Variants in RBM19 observed in about 807,000 individuals in gnomAD.
RBM19 encodes probable RNA-binding protein 19.
Under a neutral mutation model 116.8 loss-of-function variants are expected in RBM19, and 94 were observed. That is an observed-to-expected ratio of 0.80 (90% CI 0.68 to 0.95). RBM19 has a LOEUF of 0.95. RBM19 is among the 40% of genes least tolerant of loss of function. The pLI is 0.00. For missense variants in RBM19, 1,161 were observed against 1,220.7 expected (o/e 0.95, Z 0.73); for synonymous variants, 475 against 494.1 (o/e 0.96, Z 0.51).
At chr12:113,940,215 C>T (rs1413989730) in intron 14 of RBM19, 55 bp from the exon 15 acceptor site, 2 of 1,546,388 alleles carry the variant, frequency 1.3e-6, no homozygotes, top group East Asian at 2.3e-5. Flanking sequence ...GGGTCCCCAG[C>T]TGACACCAGC....
chr12:113,945,806 G>A, intron 13 of RBM19, 22 bp downstream of exon 13: 1 of 1,517,924 alleles, frequency 6.6e-7, no homozygotes, highest in Non-Finnish European at 9.1e-7. Flanking sequence ...ATCCCAGAGA[G>A]GACTGGTCGG....
At chr12:113,845,276 G>A (rs985266881) in intron 22 of RBM19, among the ~76,000 whole-genome samples, 1 of 152,088 alleles carries the variant, frequency 6.6e-6, no homozygotes, top group East Asian at 1.9e-4. Flanking sequence ...TTCTGTCTCT[G>A]CTGCCAGTGC....
rs199626000 is a variant in RBM19 at position 113,917,380 on chromosome 12, G to A, written c.2441+1012C>T. ...ACCCATGCAAGGTCACAGAGCTCCTGAATTAGAAACTACAGGTGTGGGGCT... is the reference window on the plus strand; with the variant it reads ...ACCCATGCAAGGTCACAGAGCTCCTAAATTAGAAACTACAGGTGTGGGGCT... On this transcript the variant is annotated intron_variant, in intron 20 of 23. Transcript: ENST00000261741. Among the ~76,000 whole-genome samples, 19 of 152,300 alleles carry A rather than the reference G, an allele frequency of 1.2e-4. No individual in the cohort carries two copies. The East Asian group carries it at 3.7e-3, about 29-fold the overall frequency.
At chr12:113,820,958 C>G (rs35763329), downstream of RBM19, among the ~76,000 whole-genome samples, 15,645 of 152,288 alleles carry the variant, frequency 0.1, 1,003 homozygotes, top group South Asian at 0.24. Context: ...AAGGGTTGGA[C>G]AGCCCTGATT....
At chr12:113,868,887 G>A (rs2135760241) in intron 21 of RBM19, among the ~76,000 whole-genome samples, 1 of 152,312 alleles carries the variant, frequency 6.6e-6, no homozygotes, top group South Asian at 2.1e-4. Context: ...AAGAACCTAA[G>A]TGCGGAGCCA....
chr12:113,927,608 A>AC lies in RBM19; in HGVS notation c.2069-380_2069-379insG, dbSNP rs1555242324. Among the ~76,000 whole-genome samples, 338 of 119,580 alleles carry AC rather than the reference A, an allele frequency of 2.8e-3. 3 individuals are homozygous for AC. The highest frequency in any genetic ancestry group is 7.5e-3 in the African/African-American group (284 of 37,672). The allele number at this position is 119,580 out of a possible 152,430, so 78.4% of individuals were successfully genotyped here. A position where few individuals can be genotyped will look rare whatever the true frequency, so the allele number is the denominator to read the frequency against. On this transcript the variant is annotated intron_variant, in intron 16 of 23. Transcript: ENST00000261741. ...TCAAAAAACAAAAAAAAAAAAACAAAAAAAAAAAAACCAGCACTTAGTGAA... is the reference window on the plus strand; with the variant it reads ...TCAAAAAACAAAAAAAAAAAAACAAACAAAAAAAAAACCAGCACTTAGTGAA...
At chr12:113,823,577 TGAG>T (rs1874607591) in intron 23 of RBM19, among the ~76,000 whole-genome samples, 1 of 151,046 alleles carries the variant, frequency 6.6e-6, no homozygotes, top group African/African-American at 2.4e-5. Flanking sequence ...AAAGGGGAAA[TGAG>T]GAGGAGAGAG....
intron 21 of RBM19, among the ~76,000 whole-genome samples, chr12:113,901,122 T>C (rs1881658226): frequency 6.6e-6 from 1 of 152,236 alleles, no homozygotes; most frequent in South Asian, 2.1e-4. Flanking sequence ...TTCTACATTC[T>C]TTATAGTACA....
At chr12:113,824,658 T>C (rs1399435796) in intron 23 of RBM19, among the ~76,000 whole-genome samples, 1 of 151,966 alleles carries the variant, frequency 6.6e-6, no homozygotes, top group Non-Finnish European at 1.5e-5. Context: ...TACTGAGACC[T>C]CCCCAGGGCT....
At chr12:113,868,890 C>T (rs1225759945) in intron 21 of RBM19, among the ~76,000 whole-genome samples, 11 of 152,174 alleles carry the variant, frequency 7.2e-5, no homozygotes, top group African/African-American at 4.8e-5. Context: ...AACCTAAGTG[C>T]GGAGCCAGAC....
chr12:113,825,643 C>T lies in RBM19; in HGVS notation c.2786-2322G>A, dbSNP rs1295911573. ...GGCCTGGGGTCTAAGGGATGGCCAG[C>T]GGTGGCGGCATGGGACTTTTTCTTC... is the stretch of plus-strand genomic sequence containing the variant. On this transcript the variant is annotated intron_variant, in intron 23 of 23. Coordinates refer to ENST00000261741, the MANE Select transcript of RBM19 (RefSeq NM_016196.4). The surrounding 1 kb of genome is among the most constrained non-coding windows in gnomAD (Gnocchi z 5.7). Among the ~76,000 whole-genome samples the T allele has an allele frequency of 3.9e-5, 6 of 152,134 alleles. No individual in the cohort carries two copies. Among genetic ancestry groups the T allele is most frequent in the South Asian group, 4.1e-4 (2 of 4,822 alleles).
chr12:113,830,588 GGT>G (rs1491334393), intron 23 of RBM19, among the ~76,000 whole-genome samples: 91 of 90,756 alleles, frequency 1.0e-3, no homozygotes, highest in African/African-American at 2.4e-3. Context: ...GGGGGGGGGG[GGT>G]GGGCTATGCC....
chr12:113,855,311 G>A (rs1242001215), intron 22 of RBM19, among the ~76,000 whole-genome samples: 1 of 152,144 alleles, frequency 6.6e-6, no homozygotes, highest in Non-Finnish European at 1.5e-5. Flanking sequence ...AGCAAGCCGC[G>A]GCACTGGCCC....
intron 21 of RBM19, among the ~76,000 whole-genome samples, chr12:113,887,136 A>C (rs1486280632): frequency 6.6e-6 from 1 of 152,248 alleles, no homozygotes; most frequent in African/African-American, 2.4e-5. Flanking sequence ...ATTTACTGGA[A>C]GAGCCACACC....
intron 6 of RBM19, among the ~76,000 whole-genome samples, chr12:113,955,480 G>A (rs1185883402): frequency 1.3e-5 from 2 of 151,604 alleles, no homozygotes; most frequent in Non-Finnish European, 2.9e-5. Context: ...GGGGCTACAA[G>A]GAGGGGCAGG....
rs1593561797 is a variant in RBM19 at position 113,905,983 on chromosome 12, A to T, written c.2558+8986T>A. Among the ~76,000 whole-genome samples, 3 of 152,314 alleles carry T rather than the reference A, an allele frequency of 2.0e-5. No homozygotes were observed. In the East Asian group the frequency reaches 5.8e-4, roughly 29 times the overall value. ...CAGACAACACCAAGTGTGGACGAGG[A>T]TGAGGCGCACCAGAACACCATAAAC... is the stretch of plus-strand genomic sequence containing the variant. On this transcript the variant is annotated intron_variant, in intron 21 of 23. Transcript: ENST00000261741.
chr12:113,949,885 T>C (rs1871329668), intron 9 of RBM19, among the ~76,000 whole-genome samples, 198 bp downstream of exon 9: 1 of 152,128 alleles, frequency 6.6e-6, no homozygotes, highest in African/African-American at 2.4e-5. Context: ...CTAAGTCAGT[T>C]TACTCTCTGT....
rs144512156 is a variant in RBM19 at position 113,918,444 on chromosome 12, G to C, written c.2389C>G (p.His797Asp). The C allele has an allele frequency of 3.7e-6, 6 of 1,614,012 alleles. No homozygotes were observed. The highest frequency in any genetic ancestry group is 5.1e-6 in the Non-Finnish European group (6 of 1,179,984). ...TCCAGCTTGTGGCCGTCCACGACGTGACCCTAAGAGAGAAGACAACATGGC... is the reference window on the plus strand; with the variant it reads ...TCCAGCTTGTGGCCGTCCACGACGTCACCCTAAGAGAGAAGACAACATGGC... ...AQKALKQLQG[H>D]VVDGHKLEVR... The change falls in exon 20 of 24, where the codon CAC becomes GAC. Residue 797 changes from histidine (H) to aspartate (D), a missense_variant. By Grantham distance (81) the His-to-Asp change is moderately conservative. Coordinates refer to ENST00000261741, the MANE Select transcript of RBM19 (RefSeq NM_016196.4).
At chr12:113,904,326 T>TA (rs1334258383) in intron 21 of RBM19, among the ~76,000 whole-genome samples, 1 of 151,836 alleles carries the variant, frequency 6.6e-6, no homozygotes, top group East Asian at 1.9e-4. Context: ...ATGAAAGAGT[T>TA]AAAAAAAACT....
Sources: allele counts gnomAD v4.1 joint callset (sites outside exome capture counted in the v4.1 genomes callset), GRCh38; gene constraint gnomAD v4.1.1; non-coding constraint Gnocchi (gnomAD v3.1); transcripts MANE v1.5; gene names NCBI Gene and HGNC (gene_info 2026-07-23, HGNC 2026-07-21).